The following PRKCQ variants were observed in gnomAD, a reference collection of about 807,000 sequenced individuals.
The protein encoded by PRKCQ is protein kinase C theta type.
PRKCQ carries 41 observed loss-of-function variants against 91.2 expected under a neutral mutation model. The observed-to-expected ratio is 0.45, with a 90% CI of 0.35 to 0.58. The LOEUF (loss-of-function observed/expected upper bound fraction) is 0.58, where lower values mean the gene tolerates loss of function less well. Among genes scored for constraint, PRKCQ ranks in the 20% least tolerant of loss-of-function variants. The probability of loss-of-function intolerance (pLI) is 0.00; values close to 1 mark genes in which losing one functional copy is unlikely to be tolerated. For missense variants in PRKCQ, 673 were observed against 896.5 expected (o/e 0.75, Z 3.18); for synonymous variants, 307 against 316.9 (o/e 0.97, Z 0.33).
At chr10:6,431,541 CA>C (rs1231064950) in intron 16 of PRKCQ, among the ~76,000 whole-genome samples, 10 of 152,210 alleles carry the variant, frequency 6.6e-5, no homozygotes, top group African/African-American at 2.4e-4. Flanking sequence ...CGCATACACA[CA>C]CGTACAGGAA....
the PRKCQ span, among the ~76,000 whole-genome samples, chr10:6,410,976 CAAA>C: frequency 2.3e-5 from 2 of 87,540 alleles, no homozygotes; most frequent in Non-Finnish European, 4.3e-5. Flanking sequence ...GATTCCGTTT[CAAA>C]AAAAAAAAAA....
chr10:6,464,045 C>T (rs1401070662), intron 13 of PRKCQ, among the ~76,000 whole-genome samples: 2 of 152,202 alleles, frequency 1.3e-5, no homozygotes, highest in East Asian at 1.9e-4. Flanking sequence ...TACATATTTG[C>T]TTCTGTGCTC....
chr10:6,538,881 A>G (rs919706896), intron 1 of PRKCQ, among the ~76,000 whole-genome samples: 2 of 151,838 alleles, frequency 1.3e-5, no homozygotes, highest in Admixed American at 1.3e-4. Context: ...CTCCTGCCTC[A>G]CCCTCCGGAG....
chr10:6,530,877 T>C (rs978317667), intron 1 of PRKCQ, among the ~76,000 whole-genome samples: 2 of 152,192 alleles, frequency 1.3e-5, no homozygotes, highest in African/African-American at 4.8e-5. Context: ...TGACCACCCA[T>C]TGGCATTGTT....
chr10:6,522,823 G>A (rs1224283823), intron 1 of PRKCQ, among the ~76,000 whole-genome samples: 1 of 152,180 alleles, frequency 6.6e-6, no homozygotes, highest in Non-Finnish European at 1.5e-5. Flanking sequence ...CTGGGAATGA[G>A]AAACAAAGCA....
intron 9 of PRKCQ, among the ~76,000 whole-genome samples, chr10:6,485,805 T>C (rs940082415): frequency 6.6e-6 from 1 of 152,256 alleles, no homozygotes; most frequent in Non-Finnish European, 1.5e-5. Flanking sequence ...GCAATGCTCA[T>C]GCCATGAAGA....
At chr10:6,409,534 C>A in the PRKCQ span, among the ~76,000 whole-genome samples, 1 of 151,956 alleles carries the variant, frequency 6.6e-6, no homozygotes, top group South Asian at 2.1e-4. Context: ...ACCTTAAGTG[C>A]TCCGCCCGCC....
chr10:6,506,377 T>C (rs1838204342), intron 4 of PRKCQ, among the ~76,000 whole-genome samples: 1 of 152,220 alleles, frequency 6.6e-6, no homozygotes, highest in South Asian at 2.1e-4. Context: ...ACCATTGGAT[T>C]ATTTTGAAGC....
At chr10:6,462,165 TG>T (rs1045468559) in intron 14 of PRKCQ, 137 bp downstream of exon 14, 23 of 738,038 alleles carry the variant, frequency 3.1e-5, no homozygotes, top group Non-Finnish European at 4.9e-5. Context: ...ATGTAATCAT[TG>T]TGGGCAGCAG....
At chr10:6,557,734 C>T (rs529520042) in intron 1 of PRKCQ, among the ~76,000 whole-genome samples, 19 of 152,142 alleles carry the variant, frequency 1.2e-4, no homozygotes, top group Non-Finnish European at 2.8e-4. Context: ...TTCCACCAGC[C>T]CCTCAAACAC....
intron 15 of PRKCQ, 52 bp from the exon 16 acceptor site, chr10:6,442,133 G>C (rs752820738): frequency 6.4e-7 from 1 of 1,550,738 alleles, no homozygotes; most frequent in Non-Finnish European, 8.8e-7. Flanking sequence ...GCTGAGGAGT[G>C]ACAACTCTTC....
At position 6,464,328 on chromosome 10, in the gene PRKCQ, T is replaced by C. The variant is rs1311301421; in HGVS notation, c.1430A>G (p.Asp477Gly). 6.2e-7 allele frequency: 1 copy of C among 1,613,832 alleles called. No homozygotes were observed. The highest frequency in any genetic ancestry group is 8.5e-7 in the Non-Finnish European group (1 of 1,179,882). The stretch of plus-strand genomic sequence containing the variant: ...AGCCTCTTACGTCGCTCTGGAAAGG[T>C]CGAACTTGTGGCAGCTTTGGATGTG... ...MYHIQSCHKFDLSRATFYAAE... is the reference protein window; with the variant it reads ...MYHIQSCHKFGLSRATFYAAE... The change falls in exon 13 of 18, where the codon GAC becomes GGC. Residue 477 changes from aspartate (D) to glycine (G), a missense_variant. Asp to Gly is a moderately conservative substitution (Grantham distance 94). Coordinates refer to ENST00000263125, the MANE Select transcript of PRKCQ (RefSeq NM_006257.5).
chr10:6,449,417 GA>G, intron 15 of PRKCQ, among the ~76,000 whole-genome samples: 1 of 152,272 alleles, frequency 6.6e-6, no homozygotes, highest in East Asian at 1.9e-4. Flanking sequence ...AAGCCTCCAA[GA>G]AATATGGGAC....
intron 8 of PRKCQ, among the ~76,000 whole-genome samples, chr10:6,490,341 A>T (rs1215978025): frequency 6.6e-6 from 1 of 152,168 alleles, no homozygotes; most frequent in African/African-American, 2.4e-5. Context: ...TGCTCAAAAG[A>T]GAGGACATAC....
At chr10:6,563,596 C>T (rs141884011) in intron 1 of PRKCQ, among the ~76,000 whole-genome samples, 52 of 152,298 alleles carry the variant, frequency 3.4e-4, no homozygotes, top group African/African-American at 8.4e-4. Flanking sequence ...CTAAGCCCAC[C>T]GCTTTGTTCC....
intron 1 of PRKCQ, among the ~76,000 whole-genome samples, chr10:6,563,901 A>G (rs1304188105): frequency 1.3e-5 from 2 of 152,210 alleles, no homozygotes; most frequent in Non-Finnish European, 2.9e-5. Context: ...TGTGCACAGC[A>G]TGCCAGGGCA....
intron 1 of PRKCQ, among the ~76,000 whole-genome samples, chr10:6,538,706 A>G (rs1025395401): frequency 4.6e-5 from 7 of 152,196 alleles, no homozygotes; most frequent in Admixed American, 2.6e-4. Flanking sequence ...TTGGAATAAG[A>G]CTGATTTTCC....
intron 12 of PRKCQ, among the ~76,000 whole-genome samples, chr10:6,466,243 A>C (rs1284410665): frequency 6.6e-6 from 1 of 152,210 alleles, no homozygotes; most frequent in East Asian, 1.9e-4. Context: ...AGATGTGGAG[A>C]AAGTGGTGGG....
chr10:6,571,132 C>A (rs931363307), intron 1 of PRKCQ, among the ~76,000 whole-genome samples: 5 of 151,976 alleles, frequency 3.3e-5, no homozygotes, highest in Admixed American at 2.0e-4. Context: ...AGTGGGAAGT[C>A]ACAGAGCTAC....
Sources: gnomAD v4.1 joint callset for allele counts (sites outside exome capture counted in the v4.1 genomes callset) on GRCh38, gnomAD v4.1.1 for gene constraint, MANE v1.5 for transcripts, NCBI Gene and HGNC (gene_info 2026-07-23, HGNC 2026-07-21) for gene names.